The following RBPJ variants were observed in gnomAD, a reference collection of about 807,000 sequenced individuals.
RBPJ encodes recombination signal binding protein for immunoglobulin kappa J region, also known as recombining binding protein suppressor of hairless.
Under a neutral mutation model 67.8 loss-of-function variants are expected in RBPJ, and 9 were observed. The ratio of observed to expected loss-of-function variants is 0.13; its 90% CI spans 0.08 to 0.23. The LOEUF is 0.23. RBPJ is among the 10% of genes least tolerant of loss of function. RBPJ has a pLI of 1.00. For synonymous variants in RBPJ, 198 were observed against 203.3 expected, an observed-to-expected ratio of 0.97 and a Z score of 0.22; for missense variants, 305 against 595.6, an observed-to-expected ratio of 0.51 and a Z score of 5.08.
At chr4:26,150,614 A>G in the RBPJ span, among the ~76,000 whole-genome samples, 1 of 152,218 alleles carries the variant, frequency 6.6e-6, no homozygotes, top group South Asian at 2.1e-4. Context: ...AAAAAAAGGG[A>G]TTGTTGTAAC....
At chr4:26,164,782 T>TG (rs916044371) in intron 1 of RBPJ, among the ~76,000 whole-genome samples, 2 of 152,076 alleles carry the variant, frequency 1.3e-5, no homozygotes, top group East Asian at 3.9e-4. Context: ...TACTGGAAAA[T>TG]GGGGGGGACC....
intron 3 of RBPJ, among the ~76,000 whole-genome samples, chr4:26,408,775 TGG>T (rs1733731275): frequency 6.6e-6 from 1 of 152,238 alleles, no homozygotes; most frequent in Non-Finnish European, 1.5e-5. Context: ...GAGCTAGGGT[TGG>T]AACTCTTGAG....
intron 1 of RBPJ, among the ~76,000 whole-genome samples, chr4:26,353,197 CATT>C (rs1349047228): frequency 6.6e-6 from 1 of 152,156 alleles, no homozygotes; most frequent in African/African-American, 2.4e-5. Flanking sequence ...TGCTTCAAAA[CATT>C]AATATGCTAG....
intron 4 of RBPJ, among the ~76,000 whole-genome samples, chr4:26,416,202 C>CT (rs973552062): frequency 2.4e-4 from 36 of 152,280 alleles, no homozygotes; most frequent in African/African-American, 8.2e-4. Context: ...AGAAAACAAT[C>CT]TATCAGCTAG....
At chr4:26,355,388 G>A (rs1727262644) in intron 1 of RBPJ, among the ~76,000 whole-genome samples, 1 of 151,690 alleles carries the variant, frequency 6.6e-6, no homozygotes, top group African/African-American at 2.4e-5. Flanking sequence ...GCTAAGTGTG[G>A]TAGCTCACAC....
chr4:26,215,679 G>A (rs1403981750), intron 1 of RBPJ, among the ~76,000 whole-genome samples: 2 of 152,156 alleles, frequency 1.3e-5, no homozygotes, highest in East Asian at 1.9e-4. Flanking sequence ...CACGAAAACA[G>A]GGTGGCAGAT....
the RBPJ span, among the ~76,000 whole-genome samples, chr4:26,123,953 A>G: frequency 6.6e-6 from 1 of 152,208 alleles, no homozygotes; most frequent in Non-Finnish European, 1.5e-5. Context: ...TAGAAGGAAT[A>G]CATTCTAAAA....
the RBPJ span, chr4:26,112,236 G>A: frequency 6.6e-6 from 1 of 152,476 alleles, no homozygotes. Context: ...TTCCAATTTG[G>A]GTACAAACCC....
intron 1 of RBPJ, among the ~76,000 whole-genome samples, chr4:26,314,531 G>A (rs985669178): frequency 1.2e-4 from 18 of 152,064 alleles, no homozygotes; most frequent in African/African-American, 4.3e-4. Flanking sequence ...TTTTCTTCTT[G>A]GTGCTGTTCT....
intron 1 of RBPJ, among the ~76,000 whole-genome samples, chr4:26,232,254 T>C (rs1719316035): frequency 6.6e-6 from 1 of 152,204 alleles, no homozygotes; most frequent in Admixed American, 6.5e-5. Context: ...AACTTATATA[T>C]TTAAGTTCAG....
chr4:26,142,126 C>A, the RBPJ span, among the ~76,000 whole-genome samples: 2 of 152,244 alleles, frequency 1.3e-5, no homozygotes, highest in African/African-American at 4.8e-5. Flanking sequence ...CTGCCCTGAG[C>A]CCAGGAGCCC....
rs1292383424 is a variant in RBPJ, at chr4:26,215,329, AAG to A, written c.-167+51725_-167+51726del. Among the ~76,000 whole-genome samples the A allele has an allele frequency of 1.5e-4, 11 of 72,816 alleles. 3 individuals are homozygous for A. The highest frequency in any genetic ancestry group is 7.9e-4 in the Admixed American group (5 of 6,340). The allele number at this position is 72,816 out of a possible 152,430, so 47.8% of individuals were successfully genotyped here. On this transcript the variant is annotated intron_variant, in intron 1 of 4. Transcript: ENST00000512351. ...GAGAAAAGAGAAAGAAAGAAAGAAAAAGAGAGAGAGAAAGAAAGAAAAAAAGA... is the reference window on the plus strand; with the variant it reads ...GAGAAAAGAGAAAGAAAGAAAGAAAAAGAGAGAGAAAGAAAGAAAAAAAGA...
upstream of RBPJ, among the ~76,000 whole-genome samples, chr4:26,158,530 T>C (rs1234373876): frequency 2.0e-5 from 3 of 152,218 alleles, no homozygotes; most frequent in Non-Finnish European, 4.4e-5. Flanking sequence ...TCAGTAAGTA[T>C]GCTTAAAACC....
At chr4:26,255,758 TGC>T (rs1184370776) in intron 1 of RBPJ, among the ~76,000 whole-genome samples, 5 of 139,494 alleles carry the variant, frequency 3.6e-5, no homozygotes, top group African/African-American at 1.3e-4. Context: ...GCCGAGATCG[TGC>T]CACTGCACTC....
chr4:26,198,211 G>C (rs1467932547), intron 1 of RBPJ, among the ~76,000 whole-genome samples: 1 of 151,988 alleles, frequency 6.6e-6, no homozygotes, highest in Non-Finnish European at 1.5e-5. Context: ...CTGAGATCGC[G>C]CCATTGCACT....
At chr4:26,212,929 G>A (rs557452926) in intron 1 of RBPJ, among the ~76,000 whole-genome samples, 1 of 152,256 alleles carries the variant, frequency 6.6e-6, no homozygotes, top group African/African-American at 2.4e-5. Context: ...GCTGCAGGAA[G>A]ATGAACAAGA....
intron 1 of RBPJ, among the ~76,000 whole-genome samples, chr4:26,275,437 G>A (rs988777261): frequency 6.6e-6 from 1 of 152,124 alleles, no homozygotes; most frequent in African/African-American, 2.4e-5. Context: ...CCTCCCAACA[G>A]GCCAGTGGGG....
the RBPJ span, among the ~76,000 whole-genome samples, chr4:26,126,049 GC>G: frequency 4.6e-5 from 7 of 152,150 alleles, no homozygotes; most frequent in South Asian, 1.5e-3. Context: ...AGATTTTAAA[GC>G]CCTTAAGAAT....
chr4:26,188,187 C>T (rs529117938), intron 1 of RBPJ, among the ~76,000 whole-genome samples: 3 of 151,970 alleles, frequency 2.0e-5, no homozygotes, highest in Non-Finnish European at 4.4e-5. Flanking sequence ...CCAGCCTGGA[C>T]GACAGAGCAA....
Sources: allele counts gnomAD v4.1 joint callset (sites outside exome capture counted in the v4.1 genomes callset), GRCh38; gene constraint gnomAD v4.1.1; transcripts MANE v1.5; gene names NCBI Gene and HGNC (gene_info 2026-07-23, HGNC 2026-07-21).